Variants in PAIP2B observed in about 807,000 individuals in gnomAD.
The protein encoded by PAIP2B is poly(A) binding protein interacting protein 2B, also known as polyadenylate-binding protein-interacting protein 2B.
Under a neutral mutation model 17.0 loss-of-function variants are expected in PAIP2B, and 13 were observed. The ratio of observed to expected loss-of-function variants is 0.76; its 90% confidence interval spans 0.50 to 1.22. The LOEUF is 1.22. PAIP2B is among the 50% of genes most tolerant of loss of function. The pLI is 0.00. For missense variants in PAIP2B, 117 were observed against 144.5 expected (o/e 0.81, Z 0.98); for synonymous variants, 43 against 48.7 (o/e 0.88, Z 0.48).
chr2:71,190,070 AC>A (rs1379978526), intron 2 of PAIP2B, 49 bp from the exon 3 acceptor site: 1 of 1,529,926 alleles, frequency 6.5e-7, no homozygotes, highest in African/African-American at 1.4e-5. Context: ...AGCAAGACTT[AC>A]CCCTTCCAGT....
intron 1 of PAIP2B, among the ~76,000 whole-genome samples, chr2:71,216,978 G>A (rs17038417): frequency 0.094 from 14,234 of 152,194 alleles, 739 homozygotes; most frequent in Non-Finnish European, 0.12. Context: ...AGACTGCTCT[G>A]ATACAAAACC....
chr2:71,203,536 TC>T (rs1675041345), intron 1 of PAIP2B, among the ~76,000 whole-genome samples: 1 of 152,140 alleles, frequency 6.6e-6, no homozygotes, highest in Admixed American at 6.5e-5. Context: ...ATTGCCAATC[TC>T]ATAAAACTTG....
At chr2:71,205,094 G>A (rs1047012735) in intron 1 of PAIP2B, among the ~76,000 whole-genome samples, 6 of 152,072 alleles carry the variant, frequency 3.9e-5, no homozygotes, top group Non-Finnish European at 7.4e-5. Flanking sequence ...TCAAGAGCAA[G>A]GTGGAACACA....
chr2:71,199,668 G>A (rs1028028723), intron 2 of PAIP2B, among the ~76,000 whole-genome samples: 11 of 151,586 alleles, frequency 7.3e-5, no homozygotes, highest in East Asian at 3.9e-4. Context: ...CTGGGTTCAC[G>A]CCATTCTCCT....
Position 71,185,497 on chromosome 2 carries a change from A to C in PAIP2B, c.*2982T>G, listed in dbSNP as rs1674513348. 1 of 150,586 alleles carries C rather than the reference A, an allele frequency of 6.6e-6. No individual in the cohort carries two copies. Among genetic ancestry groups the C allele is most frequent in the Middle Eastern group, 3.2e-3 (1 of 316 alleles). 9.3% of individuals were successfully genotyped at this position (150,586 alleles called of 1,614,324 possible). A position where few individuals can be genotyped will look rare whatever the true frequency, so the allele number is the denominator to read the frequency against. On this transcript the variant is annotated 3_prime_UTR_variant, in exon 4 of 4. Coordinates refer to ENST00000244221, the MANE Select transcript of PAIP2B (RefSeq NM_020459.1). ...ATGGGAGGATTGCTTGAGCCTAGGA[A>C]TTTGATGCTGCAGTGAGCTATGGTC... is the stretch of plus-strand genomic sequence containing the variant.
In PAIP2B at chr2:71,189,975, T is replaced by C. The variant is rs1221505018; in HGVS notation, c.185A>G (p.Gln62Arg). 1.9e-6 allele frequency: 3 copies of C among 1,612,492 alleles called. No individual in the cohort carries two copies. Among genetic ancestry groups the C allele is most frequent in the East Asian group, 2.2e-5 (1 of 44,852 alleles). The change falls in exon 3 of 4, where the codon CAA (glutamine) becomes CGA (arginine). Residue 62 changes from glutamine (Q) to arginine (R), a missense_variant. By Grantham distance (43) the Gln-to-Arg change is conservative. Coordinates refer to ENST00000244221, the MANE Select transcript of PAIP2B (RefSeq NM_020459.1). ...TTGGTCTTCTTCATCCAGCATCTCT[T>C]GGAAGCAGCGGTCCAAGAAGTCTTG... ...QEQDFLDRCF[Q>R]EMLDEEDQDW...
chr2:71,225,077 A>AC (rs1312327133), intron 1 of PAIP2B, among the ~76,000 whole-genome samples: 1 of 152,126 alleles, frequency 6.6e-6, no homozygotes, highest in Admixed American at 6.5e-5. Flanking sequence ...ATTGACTGAG[A>AC]TGGGGTCTCA....
chr2:71,209,914 T>C (rs371175807), intron 1 of PAIP2B, among the ~76,000 whole-genome samples: 1 of 151,980 alleles, frequency 6.6e-6, no homozygotes, highest in African/African-American at 2.4e-5. Context: ...AACCTCCACC[T>C]CCTGGGTTCA....
intron 3 of PAIP2B, among the ~76,000 whole-genome samples, chr2:71,189,298 C>G (rs984472631): frequency 7.2e-5 from 11 of 152,246 alleles, no homozygotes; most frequent in Non-Finnish European, 1.5e-4. Context: ...CAGGCGTGAG[C>G]CACCGTGCCC....
intron 2 of PAIP2B, among the ~76,000 whole-genome samples, chr2:71,198,307 A>G (rs1436352749): frequency 1.7e-4 from 23 of 138,728 alleles, no homozygotes; most frequent in African/African-American, 6.0e-4. Context: ...TTTTTTTGAG[A>G]CAGAGTCTCG....
At position 71,202,717 on chromosome 2, in the gene PAIP2B, T is replaced by C. The variant is rs906956771; in HGVS notation, c.-11-117A>G. On this transcript the variant is annotated intron_variant, in intron 1 of 3. Coordinates refer to ENST00000244221, the MANE Select transcript of PAIP2B (RefSeq NM_020459.1). Reference sequence around the variant, plus strand: ...AATTCTAAGTCAAAGATTTTAACTATAGATAAACAGAAACTTAGTCTGTAA... The same window carrying C: ...AATTCTAAGTCAAAGATTTTAACTACAGATAAACAGAAACTTAGTCTGTAA... The C allele has an allele frequency of 3.5e-5, 30 of 859,138 alleles. 2 individuals carry two copies. The South Asian group carries it at 5.5e-4, about 16-fold the overall frequency. The allele number at this position is 859,138 out of a possible 1,614,324, so 53.2% of individuals were successfully genotyped here.
intron 2 of PAIP2B, 96 bp downstream of exon 2, chr2:71,202,356 T>C (rs1423545435): frequency 1.4e-6 from 2 of 1,467,342 alleles, no homozygotes; most frequent in Non-Finnish European, 1.8e-6. Flanking sequence ...TAAAGCTAAC[T>C]GTATCCATTT....
chr2:71,199,900 G>A (rs1262141667), intron 2 of PAIP2B, among the ~76,000 whole-genome samples: 1 of 152,114 alleles, frequency 6.6e-6, no homozygotes, highest in Non-Finnish European at 1.5e-5. Context: ...GAGGATATAA[G>A]CCATTCACAA....
intron 2 of PAIP2B, among the ~76,000 whole-genome samples, chr2:71,192,639 T>C (rs1171167346): frequency 6.6e-6 from 1 of 152,110 alleles, no homozygotes. Flanking sequence ...TTCCTTGTGT[T>C]CATAAATTCT....
chr2:71,207,720 T>C (rs1675171686), intron 1 of PAIP2B, among the ~76,000 whole-genome samples: 4 of 152,102 alleles, frequency 2.6e-5, no homozygotes, highest in Admixed American at 2.6e-4. Context: ...TAGGAGGTTT[T>C]TGGTGATGAA....
At chr2:71,219,433 A>T (rs948222970) in intron 1 of PAIP2B, among the ~76,000 whole-genome samples, 1 of 152,052 alleles carries the variant, frequency 6.6e-6, no homozygotes, top group Admixed American at 6.5e-5. Flanking sequence ...TGCACTACAC[A>T]AAGCTGCCCC....
chr2:71,201,223 T>G (rs1674977074), intron 2 of PAIP2B, among the ~76,000 whole-genome samples: 1 of 152,150 alleles, frequency 6.6e-6, no homozygotes, highest in Admixed American at 6.5e-5. Context: ...TGTCAGTGAG[T>G]GTTAACAAAG....
chr2:71,213,452 G>A (rs1159598023), intron 1 of PAIP2B, among the ~76,000 whole-genome samples: 2 of 152,282 alleles, frequency 1.3e-5, no homozygotes, highest in Admixed American at 6.5e-5. Context: ...CTTGAGGGAC[G>A]AGGGTAAGGT....
chr2:71,186,988 C>G lies in PAIP2B; in HGVS notation c.*1491G>C, dbSNP rs1356138158. ...CCTTCCAACCTCTGTCCCACAGCCA[C>G]ATACTGAATTTATACCAACTTTGTT... is the stretch of plus-strand genomic sequence containing the variant. On this transcript the variant is annotated 3_prime_UTR_variant, in exon 4 of 4. Transcript: ENST00000244221. The G allele has an allele frequency of 6.6e-6, 1 of 152,284 alleles. No homozygotes were observed. The highest frequency in any genetic ancestry group is 1.5e-5 in the Non-Finnish European group (1 of 68,088). The allele number at this position is 152,284 out of a possible 1,614,324, so 9.4% of individuals were successfully genotyped here.
Sources: allele counts gnomAD v4.1 joint callset (sites outside exome capture counted in the v4.1 genomes callset), GRCh38; gene constraint gnomAD v4.1.1; transcripts MANE v1.5; gene names NCBI Gene and HGNC (gene_info 2026-07-23, HGNC 2026-07-21).